The following SLC35F4 variants were observed in gnomAD, a reference collection of about 807,000 sequenced individuals.
SLC35F4 encodes solute carrier family 35 member F4, also known as chromosome 14 open reading frame 36.
A neutral mutation model predicts 44.2 loss-of-function variants in SLC35F4; 24 were observed. That is an observed-to-expected ratio of 0.54 (90% CI 0.39 to 0.76). The LOEUF is 0.76. SLC35F4 is among the 30% of genes least tolerant of loss of function. The pLI is 0.00. For synonymous variants in SLC35F4, 238 were observed against 223.6 expected, an observed-to-expected ratio of 1.06 and a Z score of -0.57; for missense variants, 562 against 586.1, an observed-to-expected ratio of 0.96 and a Z score of 0.42.
chr14:57,752,605 C>T (rs2076911585), intron 1 of SLC35F4, among the ~76,000 whole-genome samples: 1 of 151,978 alleles, frequency 6.6e-6, no homozygotes, highest in Non-Finnish European at 1.5e-5. Flanking sequence ...GGACTACAGG[C>T]GCACACTACC....
At chr14:57,934,231 G>A (rs1889754550) in intron 1 of SLC35F4, among the ~76,000 whole-genome samples, 1 of 151,368 alleles carries the variant, frequency 6.6e-6, no homozygotes. Flanking sequence ...CATGAGAGAG[G>A]TTCTGGTCCC....
chr14:57,887,278 T>G (rs564794920), intron 1 of SLC35F4, among the ~76,000 whole-genome samples: 1 of 152,224 alleles, frequency 6.6e-6, no homozygotes, highest in Admixed American at 6.5e-5. Flanking sequence ...TCAAGTACAG[T>G]AGAGGAGGGT....
chr14:57,939,435 C>A (rs1441592151), intron 1 of SLC35F4, among the ~76,000 whole-genome samples: 2 of 152,198 alleles, frequency 1.3e-5, no homozygotes, highest in Non-Finnish European at 2.9e-5. Flanking sequence ...GCAGAGCAAG[C>A]AGCACCCCAG....
intron 1 of SLC35F4, among the ~76,000 whole-genome samples, chr14:57,809,493 G>A (rs1351184144): frequency 4.6e-5 from 7 of 152,164 alleles, no homozygotes; most frequent in Non-Finnish European, 1.0e-4. Flanking sequence ...GCCCCAAATA[G>A]GGGTCTGATT....
intron 1 of SLC35F4, among the ~76,000 whole-genome samples, chr14:57,757,995 A>T (rs1300502257): frequency 4.4e-5 from 6 of 136,062 alleles, no homozygotes; most frequent in African/African-American, 1.7e-4. Flanking sequence ...ATAGGATTAT[A>T]GGTTCATGTG....
Position 57,642,508 on chromosome 14 carries a change from T to A in SLC35F4, c.104-48384A>T, listed in dbSNP as rs967990507. Among the ~76,000 whole-genome samples the A allele has an allele frequency of 3.0e-4, 45 of 150,606 alleles. 1 individual carries two copies. The highest frequency in any genetic ancestry group is 5.3e-4 in the Admixed American group (8 of 15,136). On this transcript the variant is annotated intron_variant, in intron 1 of 7. Transcript: ENST00000556826. ...TATTTTTGTGATGTTAAATCAGAAGTTTAACTTTCATCCCCTTCTGAGTTT... is the reference window on the plus strand; with the variant it reads ...TATTTTTGTGATGTTAAATCAGAAGATTAACTTTCATCCCCTTCTGAGTTT...
chr14:57,920,625 A>G (rs1020230541), intron 1 of SLC35F4, among the ~76,000 whole-genome samples: 3 of 152,252 alleles, frequency 2.0e-5, no homozygotes, highest in African/African-American at 7.2e-5. Flanking sequence ...ATGGGATTGG[A>G]AGCCTTTGGC....
chr14:57,675,193 A>G (rs2074651377), intron 1 of SLC35F4, among the ~76,000 whole-genome samples: 1 of 152,094 alleles, frequency 6.6e-6, no homozygotes, highest in Non-Finnish European at 1.5e-5. Context: ...ATAGATGTAT[A>G]CATTTGTCAA....
At chr14:57,891,283 C>G (rs928411384) in intron 1 of SLC35F4, among the ~76,000 whole-genome samples, 1 of 152,158 alleles carries the variant, frequency 6.6e-6, no homozygotes, top group Non-Finnish European at 1.5e-5. Flanking sequence ...AGCATCTACT[C>G]GGTGCCTGGC....
At chr14:57,714,619 TTCAC>T (rs1424369030) in intron 1 of SLC35F4, among the ~76,000 whole-genome samples, 2 of 152,058 alleles carry the variant, frequency 1.3e-5, no homozygotes, top group African/African-American at 4.8e-5. Context: ...CCTGAGTGCA[TTCAC>T]TCATTCAGCA....
intron 1 of SLC35F4, among the ~76,000 whole-genome samples, chr14:57,677,279 G>A (rs2074725098): frequency 6.6e-6 from 1 of 151,900 alleles, no homozygotes; most frequent in Admixed American, 6.6e-5. Context: ...AATGGGGAAA[G>A]AGATAAAAGA....
intron 1 of SLC35F4, among the ~76,000 whole-genome samples, chr14:57,614,866 T>C (rs1291403293): frequency 1.3e-5 from 2 of 152,164 alleles, no homozygotes; most frequent in Non-Finnish European, 2.9e-5. Context: ...AGACAACATG[T>C]AGGGAGAAAG....
chr14:57,964,986 AAAAAAATAT>A (rs1055220137), intron 1 of SLC35F4, among the ~76,000 whole-genome samples: 10 of 140,558 alleles, frequency 7.1e-5, no homozygotes, highest in Non-Finnish European at 1.4e-4. Context: ...AAAAAAAAAA[AAAAAAATAT>A]ATATATATAT....
chr14:57,768,578 C>T (rs989135187), intron 1 of SLC35F4, among the ~76,000 whole-genome samples: 1 of 152,116 alleles, frequency 6.6e-6, no homozygotes. Context: ...TCCAAATTCT[C>T]GAAATAATTC....
chr14:57,892,336 T>C (rs555871521), intron 1 of SLC35F4, among the ~76,000 whole-genome samples: 1 of 152,316 alleles, frequency 6.6e-6, no homozygotes, highest in South Asian at 2.1e-4. Flanking sequence ...ACATGTTTAG[T>C]CTTAGAAGAA....
intron 1 of SLC35F4, among the ~76,000 whole-genome samples, chr14:57,658,003 A>G (rs1241595529): frequency 1.3e-5 from 2 of 152,194 alleles, no homozygotes; most frequent in African/African-American, 4.8e-5. Flanking sequence ...GAGAATGTGC[A>G]TAAAACATGT....
chr14:57,758,213 C>T (rs1401519051), intron 1 of SLC35F4, among the ~76,000 whole-genome samples: 2 of 151,816 alleles, frequency 1.3e-5, no homozygotes, highest in South Asian at 2.1e-4. Context: ...AATTATGATA[C>T]GCTTTAGTGA....
chr14:57,950,720 G>C (rs1323175940), intron 1 of SLC35F4, among the ~76,000 whole-genome samples: 1 of 135,982 alleles, frequency 7.4e-6, no homozygotes, highest in Non-Finnish European at 1.5e-5. Context: ...CCCAGCTGGA[G>C]TGCAGTGGCA....
intron 1 of SLC35F4, among the ~76,000 whole-genome samples, chr14:57,898,815 T>C (rs142948021): frequency 4.7e-4 from 71 of 152,360 alleles, no homozygotes; most frequent in African/African-American, 1.7e-3. Flanking sequence ...ATCTTTGTCA[T>C]GTATTTTCTT....
Sources: gnomAD v4.1 joint callset for allele counts (sites outside exome capture counted in the v4.1 genomes callset) on GRCh38, gnomAD v4.1.1 for gene constraint, MANE v1.5 for transcripts, NCBI Gene and HGNC (gene_info 2026-07-23, HGNC 2026-07-21) for gene names.